Variants in XRCC1 observed in about 807,000 individuals in gnomAD.
The protein encoded by XRCC1 is DNA repair protein XRCC1.
A neutral mutation model predicts 83.3 loss-of-function variants in XRCC1; 52 were observed. That is an observed-to-expected ratio of 0.62 (90% CI 0.50 to 0.79). The LOEUF is 0.79. XRCC1 is among the 30% of genes least tolerant of loss of function. The pLI, the probability that XRCC1 is intolerant of heterozygous loss-of-function variation, is 0.00. For missense variants in XRCC1, 793 were observed against 823.5 expected (o/e 0.96, Z 0.45); for synonymous variants, 281 against 312.6 (o/e 0.90, Z 1.07).
intron 3 of XRCC1, among the ~76,000 whole-genome samples, chr19:43,556,527 G>A (rs1015410327): frequency 1.3e-5 from 2 of 152,210 alleles, no homozygotes; most frequent in Admixed American, 6.5e-5. Context: ...GCTGAGGCCA[G>A]GCGCGGTGGC....
intron 2 of XRCC1, among the ~76,000 whole-genome samples, chr19:43,567,268 T>TAA (rs35436804): frequency 9.1e-5 from 13 of 143,580 alleles, no homozygotes; most frequent in African/African-American, 2.0e-4. Context: ...GTCAATATGC[T>TAA]AAAAAAAAAA....
chr19:43,544,222 C>T lies in XRCC1; in HGVS notation c.1634G>A (p.Gly545Asp), dbSNP rs1243018187. 13 of 1,609,256 alleles carry T rather than the reference C, an allele frequency of 8.1e-6. No homozygotes were observed. The highest frequency in any genetic ancestry group is 1.0e-5 in the Non-Finnish European group (12 of 1,177,828). ...PVPELPDFFQGKHFFLYGEFP... is the reference protein window; with the variant it reads ...PVPELPDFFQDKHFFLYGEFP... ...CTCCCCGTAAAGAAAGAAGTGCTTG[C>T]CCTGGAAGAAATCTGCAGGAGAGAA... Residue 545 changes from glycine (G) to aspartate (D), a missense_variant, in exon 15 of 17, where the codon GGC (glycine) becomes GAC (aspartate). Physicochemically the swap from Gly to Asp is moderately conservative, Grantham distance 94. Coordinates refer to ENST00000262887, the MANE Select transcript of XRCC1 (RefSeq NM_006297.3).
chr19:43,560,202 A>C (rs1207743928), intron 3 of XRCC1, among the ~76,000 whole-genome samples: 1 of 151,854 alleles, frequency 6.6e-6, no homozygotes, highest in African/African-American at 2.4e-5. Context: ...CAGCCTGGCC[A>C]ATATGGTGAA....
chr19:43,543,362 G>GTGTGTT lies in XRCC1; in HGVS notation c.*29_*30insAACACA. The GTGTGTT allele has an allele frequency of 7.2e-7, 1 of 1,390,136 alleles. No individual in the cohort carries two copies. The highest frequency in any genetic ancestry group is 1.0e-6 in the Non-Finnish European group (1 of 985,588). The allele number at this position is 1,390,136 out of a possible 1,614,324, so 86.1% of individuals were successfully genotyped here. ...GCATCGTGTGTGTGTGTGTGTGTGT[G>GTGTGTT]TGTGTGTGTGTGTGTGTATAGCACA... On this transcript the variant is annotated 3_prime_UTR_variant, in exon 17 of 17. Transcript: ENST00000262887.
At chr19:43,563,784 C>G (rs906428465) in intron 2 of XRCC1, among the ~76,000 whole-genome samples, 1 of 152,224 alleles carries the variant, frequency 6.6e-6, no homozygotes, top group Non-Finnish European at 1.5e-5. Flanking sequence ...TGGTGCCACT[C>G]TCTATCTCCC....
intron 2 of XRCC1, among the ~76,000 whole-genome samples, chr19:43,569,816 C>A (rs948750770): frequency 6.6e-6 from 1 of 152,118 alleles, no homozygotes; most frequent in African/African-American, 2.4e-5. Context: ...TCATCTACAG[C>A]TACACTGAAC....
rs748321969 is a variant in XRCC1, at chr19:43,551,693, G to T, written c.1083-6C>A. The T allele has an allele frequency of 3.1e-6, 5 of 1,610,410 alleles. No individual in the cohort carries two copies. In the East Asian group the frequency reaches 8.9e-5, roughly 29 times the overall value. ...GGGTGTTGGCAAAGGCACAGCTGGT[G>T]GGGGGCAGAAGTGAAGATGCCAGTT... is the stretch of plus-strand genomic sequence containing the variant. On this transcript the variant is annotated splice_polypyrimidine_tract_variant and splice_region_variant and intron_variant, in intron 9 of 16. Transcript: ENST00000262887.
intron 3 of XRCC1, among the ~76,000 whole-genome samples, chr19:43,557,915 C>A (rs981489436): frequency 6.6e-6 from 1 of 150,936 alleles, no homozygotes; most frequent in African/African-American, 2.4e-5. Context: ...GAGTAGAGGT[C>A]AGTGATTTTT....
chr19:43,546,870 AG>A lies in XRCC1; in HGVS notation c.1293+13del. On this transcript the variant is annotated intron_variant, in intron 11 of 16. Coordinates refer to ENST00000262887, the MANE Select transcript of XRCC1 (RefSeq NM_006297.3). ...CCCACTACACCCTCCCCCACTGGAC[AG>A]GGGGCATCAGACCTTCTGAGGAAGC... 6.2e-7 allele frequency: 1 copy of A among 1,613,514 alleles called. No homozygotes were observed.
At chr19:43,562,421 A>G (rs574452901) in intron 2 of XRCC1, among the ~76,000 whole-genome samples, 8 of 150,408 alleles carry the variant, frequency 5.3e-5, no homozygotes, top group East Asian at 1.9e-4. Context: ...GTTTCCTCAC[A>G]TGCAAAAAGG....
intron 9 of XRCC1, 152 bp from the exon 10 acceptor site, chr19:43,551,839 AG>A (rs1972579085): frequency 2.9e-6 from 3 of 1,022,164 alleles, no homozygotes; most frequent in Middle Eastern, 6.0e-4. Context: ...TTGGAGACCA[AG>A]GGAGAGATGC....
At position 43,546,109 on chromosome 19, in the gene XRCC1, G is replaced by A. The variant is rs371744350; in HGVS notation, c.1427-3C>T. 1.2e-6 allele frequency: 2 copies of A among 1,613,258 alleles called. No homozygotes were observed. The highest frequency in any genetic ancestry group is 1.7e-6 in the Non-Finnish European group (2 of 1,179,786). ...TTCCGCCCCATTGTCCTGTCCTTCT[G>A]CAAGTAGAAGCTCAGTCAATGCAAG... On this transcript the variant is annotated splice_region_variant and splice_polypyrimidine_tract_variant and intron_variant, in intron 12 of 16. Transcript: ENST00000262887.
At chr19:43,552,959 C>G in intron 7 of XRCC1, 23 bp downstream of exon 7, 1 of 1,608,110 alleles carries the variant, frequency 6.2e-7, no homozygotes, top group Non-Finnish European at 8.5e-7. Flanking sequence ...CTCCTCCACC[C>G]CACCAAAGTC....
chr19:43,574,033 A>G (rs911738707), intron 2 of XRCC1, among the ~76,000 whole-genome samples: 3 of 152,046 alleles, frequency 2.0e-5, no homozygotes, highest in African/African-American at 7.2e-5. Flanking sequence ...TGTGTAGAGC[A>G]GCGACTGACA....
chr19:43,560,257 G>A (rs1400843406), intron 3 of XRCC1, among the ~76,000 whole-genome samples: 5 of 151,868 alleles, frequency 3.3e-5, no homozygotes, highest in African/African-American at 7.3e-5. Flanking sequence ...TTAGCCGGGC[G>A]TGGTGGTGGG....
chr19:43,556,722 T>C (rs1972639977), intron 3 of XRCC1, among the ~76,000 whole-genome samples: 1 of 152,014 alleles, frequency 6.6e-6, no homozygotes, highest in Non-Finnish European at 1.5e-5. Flanking sequence ...CGAGAATTGC[T>C]TGAACCCAGG....
intron 8 of XRCC1, 136 bp from the exon 9 acceptor site, chr19:43,552,411 C>T (rs1306904067): frequency 1.4e-3 from 985 of 699,424 alleles, no homozygotes; most frequent in Non-Finnish European, 2.1e-3. Flanking sequence ...CCCCTCCCCC[C>T]TCAGACCCAG....
Position 43,543,321 on chromosome 19 carries a change from C to T in XRCC1, c.*71G>A, listed in dbSNP as rs1051754251. ...TGGGAGACTCTTGGATGAGAACCAA[C>T]TCATCTTTATTAAATGCATCGTGTG... On this transcript the variant is annotated 3_prime_UTR_variant, in exon 17 of 17. Coordinates refer to ENST00000262887, the MANE Select transcript of XRCC1 (RefSeq NM_006297.3). 11 of 1,445,338 alleles carry T rather than the reference C, an allele frequency of 7.6e-6. No individual in the cohort carries two copies. Among genetic ancestry groups the T allele is most frequent in the Middle Eastern group, 2.0e-4 (1 of 5,056 alleles). 89.5% of individuals were successfully genotyped at this position (1,445,338 alleles called of 1,614,324 possible). A position where few individuals can be genotyped will look rare whatever the true frequency, so the allele number is the denominator to read the frequency against.
chr19:43,553,360 C>G (rs374868014), intron 6 of XRCC1, 41 bp downstream of exon 6: 23 of 1,605,048 alleles, frequency 1.4e-5, no homozygotes, highest in Non-Finnish European at 1.7e-5. Flanking sequence ...GAGTCTAGGT[C>G]TCAACCCTAC....
Sources: gnomAD v4.1 joint callset for allele counts (sites outside exome capture counted in the v4.1 genomes callset) on GRCh38, gnomAD v4.1.1 for gene constraint, MANE v1.5 for transcripts, NCBI Gene and HGNC (gene_info 2026-07-23, HGNC 2026-07-21) for gene names.